ANXA6: variants seen among roughly 807,000 people sequenced by gnomAD.
ANXA6 encodes 67 kDa calelectrin.
ANXA6 carries 71 observed loss-of-function variants against 95.4 expected under a neutral mutation model. The observed-to-expected ratio is 0.74, with a 90% CI of 0.61 to 0.91. The LOEUF is 0.91. ANXA6 is among the 40% of genes least tolerant of loss of function. The probability of loss-of-function intolerance (pLI) is 0.00; values close to 1 mark genes in which losing one functional copy is unlikely to be tolerated. For synonymous variants in ANXA6, 289 were observed against 315.9 expected, an observed-to-expected ratio of 0.91 and a Z score of 0.90; for missense variants, 830 against 876.4, an observed-to-expected ratio of 0.95 and a Z score of 0.67.
At chr5:151,123,780 A>G (rs1426323492) in intron 15 of ANXA6, among the ~76,000 whole-genome samples, 2 of 152,232 alleles carry the variant, frequency 1.3e-5, no homozygotes, top group Non-Finnish European at 2.9e-5. Context: ...GCACAGGCCC[A>G]GCTGATCTGA....
intron 14 of ANXA6, 116 bp downstream of exon 14, chr5:151,126,286 A>T: frequency 2.5e-6 from 2 of 813,242 alleles, no homozygotes; most frequent in South Asian, 1.5e-5. Flanking sequence ...CAGATGTGAG[A>T]ATCAACGTGT....
chr5:151,126,543 AACACAC>A (rs3079845), intron 13 of ANXA6, 63 bp from the exon 14 acceptor site: 422 of 828,530 alleles, frequency 5.1e-4, no homozygotes, highest in East Asian at 4.6e-3. Context: ...CACTCACACC[AACACAC>A]ACACACACAC....
At chr5:151,129,697 T>TTTTGCTTG (rs1765439778) in intron 11 of ANXA6, among the ~76,000 whole-genome samples, 168 bp from the exon 12 acceptor site, 1 of 149,178 alleles carries the variant, frequency 6.7e-6, no homozygotes, top group African/African-American at 2.4e-5. Context: ...CCTCTTACTG[T>TTTTGCTTG]TTTGTTTGTT....
intron 14 of ANXA6, among the ~76,000 whole-genome samples, chr5:151,124,630 A>G (rs1441143861): frequency 6.6e-6 from 1 of 152,226 alleles, no homozygotes; most frequent in Non-Finnish European, 1.5e-5. Context: ...AGTCCTGATC[A>G]AGAGAAATTG....
intron 20 of ANXA6, among the ~76,000 whole-genome samples, chr5:151,111,128 G>A (rs1561566666): frequency 1.3e-5 from 2 of 152,216 alleles, no homozygotes; most frequent in African/African-American, 4.8e-5. Flanking sequence ...TTACAGACAG[G>A]AAAGACTGGC....
chr5:151,128,078 A>G, intron 13 of ANXA6, 103 bp downstream of exon 13: 1 of 1,015,892 alleles, frequency 9.8e-7, no homozygotes, highest in Non-Finnish European at 1.5e-6. Flanking sequence ...GCTCAGGGGA[A>G]TCCCCAGCTC....
rs1019360101 is a variant in ANXA6 at position 151,120,375 on chromosome 5, T to C, written c.1348-985A>G. On this transcript the variant is annotated intron_variant, in intron 17 of 25. Coordinates refer to ENST00000354546, the MANE Select transcript of ANXA6 (RefSeq NM_001155.5). ...ATTCAGGTACTTGTTAAGACACCTA[T>C]TATGTGCTAGCCACTGTGCAAGGTG... is the stretch of plus-strand genomic sequence containing the variant. Among the ~76,000 whole-genome samples, 9 of 150,566 alleles carry C rather than the reference T, an allele frequency of 6.0e-5. No homozygotes were observed. In the East Asian group the frequency reaches 1.6e-3, roughly 26 times the overall value.
chr5:151,137,891 G>T (rs967473714), intron 5 of ANXA6, among the ~76,000 whole-genome samples: 9 of 152,148 alleles, frequency 5.9e-5, no homozygotes. Context: ...TGTGAGAATG[G>T]ACTAAAACAC....
chr5:151,113,139 G>A (rs1267129732), intron 20 of ANXA6, among the ~76,000 whole-genome samples: 2 of 152,150 alleles, frequency 1.3e-5, no homozygotes, highest in East Asian at 1.9e-4. Flanking sequence ...GATGGCTCAC[G>A]CCTGTAATCT....
chr5:151,138,794 G>T lies in ANXA6; in HGVS notation c.205-3C>A. On this transcript the variant is annotated splice_polypyrimidine_tract_variant and splice_region_variant and intron_variant, in intron 4 of 25. Coordinates refer to ENST00000354546, the MANE Select transcript of ANXA6 (RefSeq NM_001155.5). Reference sequence around the variant, plus strand: ...TACTTTAAATCAGCAATGAGGTCCTGGCAGGTGGGGAAGAAGAGGAGATAG... The same window carrying T: ...TACTTTAAATCAGCAATGAGGTCCTTGCAGGTGGGGAAGAAGAGGAGATAG... 6.2e-7 allele frequency: 1 copy of T among 1,600,692 alleles called. No individual in the cohort carries two copies. Among genetic ancestry groups the T allele is most frequent in the Non-Finnish European group, 8.6e-7 (1 of 1,168,380 alleles).
intron 2 of ANXA6, among the ~76,000 whole-genome samples, chr5:151,142,539 A>C (rs2113950074): frequency 6.6e-6 from 1 of 152,100 alleles, no homozygotes; most frequent in East Asian, 1.9e-4. Flanking sequence ...CTTTGCAACG[A>C]TCCTTAAAGA....
intron 23 of ANXA6, among the ~76,000 whole-genome samples, chr5:151,107,887 T>C (rs1764740876): frequency 6.7e-6 from 1 of 149,208 alleles, no homozygotes; most frequent in African/African-American, 2.4e-5. Flanking sequence ...GTATGTGTCT[T>C]GTATGTGTGT....
In ANXA6 at chr5:151,134,497, C is replaced by T. The variant is rs374099430; in HGVS notation, c.490-14G>A. 39 of 1,613,856 alleles carry T rather than the reference C, an allele frequency of 2.4e-5. No individual in the cohort carries two copies. The highest frequency in any genetic ancestry group is 1.3e-4 in the East Asian group (6 of 44,900). On this transcript the variant is annotated splice_polypyrimidine_tract_variant and intron_variant, in intron 7 of 25. Coordinates refer to ENST00000354546, the MANE Select transcript of ANXA6 (RefSeq NM_001155.5). ...CTCCCTGGTTCCCTGGGCAGAAAGACAAAGAACATGTGTTTCAAACACTGC... is the reference window on the plus strand; with the variant it reads ...CTCCCTGGTTCCCTGGGCAGAAAGATAAAGAACATGTGTTTCAAACACTGC...
intron 23 of ANXA6, among the ~76,000 whole-genome samples, chr5:151,106,371 G>A (rs566461404): frequency 9.2e-5 from 14 of 152,248 alleles, no homozygotes; most frequent in East Asian, 3.9e-4. Context: ...CTGGAGTTGC[G>A]TACCCCAGTG....
At chr5:151,151,757 C>T (rs1003866564) in intron 1 of ANXA6, among the ~76,000 whole-genome samples, 2 of 152,322 alleles carry the variant, frequency 1.3e-5, no homozygotes, top group South Asian at 4.1e-4. Context: ...TCCCCATCTC[C>T]ACCCGCCAAT....
chr5:151,149,838 G>T (rs776524618), intron 1 of ANXA6, among the ~76,000 whole-genome samples: 3 of 152,114 alleles, frequency 2.0e-5, no homozygotes, highest in Non-Finnish European at 2.9e-5. Context: ...CATAACAGAG[G>T]CCAGGAGCAG....
chr5:151,146,943 T>C (rs1026356450), intron 2 of ANXA6, among the ~76,000 whole-genome samples: 1 of 152,146 alleles, frequency 6.6e-6, no homozygotes, highest in Non-Finnish European at 1.5e-5. Context: ...CATGCCACCT[T>C]TGTATTTTTT....
chr5:151,105,222 G>A, intron 24 of ANXA6, 23 bp downstream of exon 24: 1 of 1,610,256 alleles, frequency 6.2e-7, no homozygotes, highest in Non-Finnish European at 8.5e-7. Context: ...TGAAGGGAAA[G>A]GAACGCCAGC....
rs1472368232 is a variant in ANXA6 at position 151,138,879 on chromosome 5, TG to T, written c.205-89del. ...AATTACACTTAATGAGCACTTACTC[TG>T]GCAGGTGCTGGGCTAAGTAATCTCA... On this transcript the variant is annotated intron_variant, in intron 4 of 25. Transcript: ENST00000354546. The T allele has an allele frequency of 1.8e-5, 16 of 877,920 alleles. No homozygotes were observed. In the African/African-American group the frequency reaches 2.5e-4, roughly 14 times the overall value. The allele number at this position is 877,920 out of a possible 1,614,324, so 54.4% of individuals were successfully genotyped here. A position where few individuals can be genotyped will look rare whatever the true frequency, so the allele number is the denominator to read the frequency against.
Sources: allele counts gnomAD v4.1 joint callset (sites outside exome capture counted in the v4.1 genomes callset), GRCh38; gene constraint gnomAD v4.1.1; transcripts MANE v1.5; gene names NCBI Gene and HGNC (gene_info 2026-07-23, HGNC 2026-07-21).